Variants in PUDP observed in about 807,000 individuals in gnomAD.
The protein encoded by PUDP is pseudouridine-5'-phosphatase.
In PUDP, 8 loss-of-function variants were observed where a neutral mutation model predicts 9.4. The observed-to-expected ratio is 0.85, with a 90% CI of 0.50 to 1.53. The LOEUF (loss-of-function observed/expected upper bound fraction) is 1.53, where lower values mean the gene tolerates loss of function less well. PUDP is among the 40% of genes most tolerant of loss of function. The pLI is 0.00. For missense variants in PUDP, 188 were observed against 189.7 expected (o/e 0.99, Z 0.05); for synonymous variants, 99 against 80.7 (o/e 1.23, Z -1.22).
At chrX:6,794,235 T>A (rs960107205) in intron 3 of PUDP, among the ~76,000 whole-genome samples, 1 of 112,564 alleles carries the variant, frequency 8.9e-6, no homozygotes, top group Admixed American at 9.4e-5. Context: ...CGAGGTTGTG[T>A]GCGATTAGTC....
At chrX:6,935,261 A>C (rs2146772894) in intron 3 of PUDP, among the ~76,000 whole-genome samples, 1 of 95,399 alleles carries the variant, frequency 1.0e-5, no homozygotes, top group South Asian at 5.6e-4. Flanking sequence ...AATGTAAAAG[A>C]ACAGAAATTA....
rs751711549 is a variant in PUDP, at chrX:6,927,417, A to G, written c.*247+49716T>C. ...AGAAAAGAACATTCTTATATTCCTT[A>G]TCAGATAACGATGCTGTTGAAAGTG... On this transcript the variant is annotated intron_variant and NMD_transcript_variant, in intron 3 of 3. Coordinates refer to the PUDP transcript ENST00000655425. Among the ~76,000 whole-genome samples the G allele has an allele frequency of 3.6e-5, 4 of 112,521 alleles. No homozygotes were observed. The South Asian group carries it at 1.1e-3, about 31-fold the overall frequency.
intron 1 of PUDP, among the ~76,000 whole-genome samples, chrX:7,129,455 G>C (rs765035916): frequency 8.9e-6 from 1 of 111,999 alleles, no homozygotes; most frequent in East Asian, 2.8e-4. Context: ...GCAGTCAACA[G>C]AACAGGCCTA....
At chrX:6,909,288 G>A (rs1012551376) in intron 3 of PUDP, among the ~76,000 whole-genome samples, 8 of 111,428 alleles carry the variant, frequency 7.2e-5, no homozygotes, top group African/African-American at 2.6e-4. Context: ...AACATAATTT[G>A]AAATTCAAAG....
At chrX:6,739,010 C>T (rs1383851781) in intron 3 of PUDP, among the ~76,000 whole-genome samples, 1 of 111,610 alleles carries the variant, frequency 9.0e-6, no homozygotes, top group East Asian at 2.8e-4. Flanking sequence ...TCACCATTTC[C>T]TGCAGCCCTG....
intron 1 of PUDP, among the ~76,000 whole-genome samples, chrX:7,021,606 C>G (rs1252261057): frequency 1.8e-5 from 2 of 111,886 alleles, no homozygotes; most frequent in Non-Finnish European, 3.8e-5. Context: ...TGGGTGGGCT[C>G]TCAGGTTTAT....
At chrX:6,757,566 C>T (rs1910074185) in intron 3 of PUDP, among the ~76,000 whole-genome samples, 1 of 110,768 alleles carries the variant, frequency 9.0e-6, no homozygotes, top group African/African-American at 3.3e-5. Context: ...CAAGGAGAAA[C>T]GATGAGTGTG....
At chrX:7,096,514 C>G (rs1012881581) in intron 2 of PUDP, among the ~76,000 whole-genome samples, 8 of 108,958 alleles carry the variant, frequency 7.3e-5, no homozygotes, top group Non-Finnish European at 1.5e-4. Context: ...CCGTGTGAAA[C>G]AAGTGTAATT....
intron 1 of PUDP, among the ~76,000 whole-genome samples, chrX:7,035,637 G>A (rs1397266413): frequency 8.9e-6 from 1 of 112,157 alleles, no homozygotes; most frequent in Middle Eastern, 4.2e-3. Context: ...CTCAGTTGCT[G>A]AGGATCCAGC....
At chrX:6,711,607 T>C (rs1025527202) in intron 1 of PUDP, among the ~76,000 whole-genome samples, 3 of 111,397 alleles carry the variant, frequency 2.7e-5, no homozygotes, top group African/African-American at 9.8e-5. Context: ...GGAGGGAGAA[T>C]GGGACTGACA....
rs1473645579 is a variant in PUDP at position 6,867,502 on chromosome X, A to ATGTTGGTGATGGTTTGG, written c.*247+109614_*247+109630dup. Reference sequence around the variant, plus strand: ...GGTGGTGGTAGTGATGATGGTGGTGATGTTGGTGATGGTTTGGTGTTGGTG... The same window carrying ATGTTGGTGATGGTTTGG: ...GGTGGTGGTAGTGATGATGGTGGTGATGTTGGTGATGGTTTGGTGTTGGTGATGGTTTGGTGTTGGTG... On this transcript the variant is annotated intron_variant and NMD_transcript_variant, in intron 3 of 3. Coordinates refer to the PUDP transcript ENST00000655425. 7.0e-3 allele frequency among the ~76,000 whole-genome samples: 767 copies of ATGTTGGTGATGGTTTGG among 109,014 alleles called. 7 individuals carry two copies. The highest frequency in any genetic ancestry group is 0.023 in the African/African-American group (687 of 29,772). The allele number at this position is 109,014 out of a possible 115,157, so 94.7% of individuals were successfully genotyped here.
chrX:6,755,810 G>A (rs1308753042), intron 3 of PUDP, among the ~76,000 whole-genome samples: 1 of 110,217 alleles, frequency 9.1e-6, no homozygotes, highest in Non-Finnish European at 1.9e-5. Context: ...TCTGGGAGGA[G>A]TATGCTCAGT....
intron 3 of PUDP, among the ~76,000 whole-genome samples, chrX:6,934,006 T>C (rs1157884028): frequency 6.4e-4 from 65 of 101,926 alleles, no homozygotes; most frequent in African/African-American, 2.2e-3. Flanking sequence ...CTACGTCTGA[T>C]TGGTGTACCT....
At chrX:6,800,514 C>A (rs915377595) in intron 3 of PUDP, among the ~76,000 whole-genome samples, 1 of 112,039 alleles carries the variant, frequency 8.9e-6, no homozygotes, top group African/African-American at 3.2e-5. Flanking sequence ...CCCCTGCAAA[C>A]TCTTTTAAAA....
intron 3 of PUDP, among the ~76,000 whole-genome samples, chrX:6,809,498 G>A (rs766243145): frequency 1.4e-4 from 15 of 108,746 alleles, no homozygotes; most frequent in South Asian, 1.3e-3. Context: ...GTCTCCCTTC[G>A]TTGCCCAGGG....
chrX:6,824,623 C>A (rs1926397414), intron 3 of PUDP, among the ~76,000 whole-genome samples: 1 of 111,739 alleles, frequency 8.9e-6, no homozygotes, highest in Non-Finnish European at 1.9e-5. Flanking sequence ...AGTCTGCATT[C>A]TTTCCATAAC....
chrX:7,123,585 T>G (rs1213702497), intron 1 of PUDP, among the ~76,000 whole-genome samples: 1 of 111,441 alleles, frequency 9.0e-6, no homozygotes. Context: ...AAGGTAGAGA[T>G]TGAAGAATGG....
At chrX:6,816,585 C>T (rs1174481814) in intron 3 of PUDP, among the ~76,000 whole-genome samples, 3 of 100,000 alleles carry the variant, frequency 3.0e-5, no homozygotes, top group Non-Finnish European at 5.9e-5. Context: ...GTATAATATA[C>T]GTACACTATA....
intron 1 of PUDP, among the ~76,000 whole-genome samples, chrX:7,007,751 T>C (rs921457981): frequency 8.9e-6 from 1 of 112,046 alleles, no homozygotes; most frequent in Admixed American, 9.4e-5. Flanking sequence ...TGCTGCCAGC[T>C]CCACGACTGA....
Sources: allele counts gnomAD v4.1 joint callset (sites outside exome capture counted in the v4.1 genomes callset), GRCh38; gene constraint gnomAD v4.1.1; transcripts MANE v1.5; gene names NCBI Gene and HGNC (gene_info 2026-07-23, HGNC 2026-07-21).